The following RNF149 variants were observed in gnomAD, a reference collection of about 807,000 sequenced individuals.
RNF149 encodes the protein E3 ubiquitin-protein ligase RNF149.
Under a neutral mutation model 39.0 loss-of-function variants are expected in RNF149, and 21 were observed. That is an observed-to-expected ratio of 0.54 (90% CI 0.38 to 0.77). RNF149 has a LOEUF of 0.77. RNF149 is among the 30% of genes least tolerant of loss of function. The pLI, the probability that RNF149 is intolerant of heterozygous loss-of-function variation, is 0.00. For synonymous variants in RNF149, 209 were observed against 213.6 expected, an observed-to-expected ratio of 0.98 and a Z score of 0.19; for missense variants, 493 against 534.9, an observed-to-expected ratio of 0.92 and a Z score of 0.77.
downstream of RNF149, among the ~76,000 whole-genome samples, chr2:101,274,856 G>C (rs1031611152): frequency 6.6e-6 from 1 of 152,076 alleles, no homozygotes; most frequent in Non-Finnish European, 1.5e-5. Context: ...GCACGATCTC[G>C]GCTCACCGCA....
At chr2:101,301,549 G>A (rs1470877822) in intron 1 of RNF149, among the ~76,000 whole-genome samples, 2 of 151,874 alleles carry the variant, frequency 1.3e-5, no homozygotes, top group South Asian at 2.1e-4. Context: ...CAAGCAATCC[G>A]CCTGCCTCAT....
At position 101,276,835 on chromosome 2, in the gene RNF149, G is replaced by C. The variant is rs1682362468; in HGVS notation, c.*403C>G. On this transcript the variant is annotated 3_prime_UTR_variant, in exon 7 of 7. Coordinates refer to ENST00000295317, the MANE Select transcript of RNF149 (RefSeq NM_173647.4). ...AGCCCATGAGATCAATTATCGAATT[G>C]AATTATACAATTCCACTTCAACTAG... The C allele has an allele frequency of 1.0e-6, 1 of 997,870 alleles. No individual in the cohort carries two copies. Among genetic ancestry groups the C allele is most frequent in the Non-Finnish European group, 1.2e-6 (1 of 836,580 alleles). 61.8% of individuals were successfully genotyped at this position (997,870 alleles called of 1,614,324 possible). A position where few individuals can be genotyped will look rare whatever the true frequency, so the allele number is the denominator to read the frequency against.
At chr2:101,285,280 C>A (rs530321027) in intron 5 of RNF149, among the ~76,000 whole-genome samples, 1 of 152,092 alleles carries the variant, frequency 6.6e-6, no homozygotes, top group African/African-American at 2.4e-5. Context: ...AAAAATATAA[C>A]CTAAAAAAAT....
intron 1 of RNF149, among the ~76,000 whole-genome samples, chr2:101,305,994 T>C (rs1333560607): frequency 6.6e-6 from 1 of 152,148 alleles, no homozygotes; most frequent in East Asian, 1.9e-4. Context: ...ACAGAATTAT[T>C]CTCTCACTAA....
At chr2:101,288,386 C>T (rs923077325) in intron 4 of RNF149, among the ~76,000 whole-genome samples, 4 of 151,790 alleles carry the variant, frequency 2.6e-5, no homozygotes, top group African/African-American at 7.3e-5. Context: ...TACAGGTGTA[C>T]GCTACCACAC....
chr2:101,302,559 A>G (rs554340508), intron 1 of RNF149, among the ~76,000 whole-genome samples: 9 of 152,256 alleles, frequency 5.9e-5, no homozygotes, highest in African/African-American at 2.2e-4. Context: ...CAATGTTAAG[A>G]ACTCTTTTGC....
At chr2:101,272,586 T>C (rs113791042), downstream of RNF149, among the ~76,000 whole-genome samples, 2 of 152,230 alleles carry the variant, frequency 1.3e-5, no homozygotes, top group Non-Finnish European at 2.9e-5. Context: ...TAGTTTTGGT[T>C]TGAGTCAACA....
intron 3 of RNF149, among the ~76,000 whole-genome samples, chr2:101,290,690 T>C (rs1682974150): frequency 6.6e-6 from 1 of 152,204 alleles, no homozygotes; most frequent in Non-Finnish European, 1.5e-5. Flanking sequence ...ACCTCACTAG[T>C]GATTAAAAAG....
At chr2:101,274,629 G>A (rs1682261281), downstream of RNF149, among the ~76,000 whole-genome samples, 1 of 152,204 alleles carries the variant, frequency 6.6e-6, no homozygotes, top group Non-Finnish European at 1.5e-5. Context: ...GCCATCGACA[G>A]CAATGTGGAA....
downstream of RNF149, chr2:101,271,752 AAAG>A (rs1248843698): frequency 1.3e-5 from 2 of 152,336 alleles, no homozygotes; most frequent in South Asian, 2.1e-4. Context: ...CACCTGTTAA[AAAG>A]AAGACAGCAA....
At chr2:101,271,836 T>C (rs747126462), downstream of RNF149, 13 of 152,222 alleles carry the variant, frequency 8.5e-5, no homozygotes, top group Admixed American at 2.6e-4. Flanking sequence ...AATGTAACTA[T>C]TAGAAATAAT....
rs529145338 is a variant in RNF149, at chr2:101,283,093, G to A, written c.961-1036C>T. ...GACACAGCATTAGCCTCAACACTTT[G>A]GTGTGTCTGATGGATAATGCAACAC... is the stretch of plus-strand genomic sequence containing the variant. On this transcript the variant is annotated intron_variant, in intron 5 of 6. Transcript: ENST00000295317. Among the ~76,000 whole-genome samples, 9 of 152,216 alleles carry A rather than the reference G, an allele frequency of 5.9e-5. No individual in the cohort carries two copies. The East Asian group carries it at 1.7e-3, about 29-fold the overall frequency.
chr2:101,303,669 G>C (rs1683545857), intron 1 of RNF149, among the ~76,000 whole-genome samples: 1 of 151,834 alleles, frequency 6.6e-6, no homozygotes, highest in African/African-American at 2.4e-5. Flanking sequence ...CTCCCCTGGA[G>C]AGTTCAGGGA....
chr2:101,286,786 G>A (rs976907160), intron 4 of RNF149, among the ~76,000 whole-genome samples: 1 of 152,188 alleles, frequency 6.6e-6, no homozygotes, highest in Non-Finnish European at 1.5e-5. Context: ...TGAAGAAAAG[G>A]AGTTACCAGT....
chr2:101,308,357 C>T lies in RNF149; in HGVS notation c.232G>A (p.Gly78Ser). The change falls in exon 1 of 7, where the codon GGC becomes AGC. Residue 78 changes from glycine (G) to serine (S), a missense_variant. Physicochemically the swap from Gly to Ser is moderately conservative, Grantham distance 56 (BLOSUM62 0). Coordinates refer to ENST00000295317, the MANE Select transcript of RNF149 (RefSeq NM_173647.4). ...SPKEGAHGLVGVPWAPGGDLE... is the reference protein window; with the variant it reads ...SPKEGAHGLVSVPWAPGGDLE... ...TCTCCGCCGGGCGCCCACGGGACGC[C>T]CACCAGGCCATGCGCGCCCTCCTTG... 1.2e-6 allele frequency: 2 copies of T among 1,603,852 alleles called. No homozygotes were observed. The highest frequency in any genetic ancestry group is 1.7e-6 in the Non-Finnish European group (2 of 1,177,146).
intron 6 of RNF149, among the ~76,000 whole-genome samples, chr2:101,278,567 TG>T (rs2104385546): frequency 6.6e-6 from 1 of 152,320 alleles, no homozygotes; most frequent in East Asian, 1.9e-4. Context: ...TGACAAAAAC[TG>T]TATATATATA....
intron 1 of RNF149, among the ~76,000 whole-genome samples, chr2:101,306,243 G>GA (rs918452592): frequency 6.6e-6 from 1 of 152,074 alleles, no homozygotes; most frequent in Non-Finnish European, 1.5e-5. Context: ...CCTGCTATTT[G>GA]AAAAAAAGTC....
At chr2:101,275,123 T>TTG (rs1553437522), downstream of RNF149, among the ~76,000 whole-genome samples, 1 of 127,942 alleles carries the variant, frequency 7.8e-6, no homozygotes, top group Non-Finnish European at 1.7e-5. Flanking sequence ...TTTTTTTTTT[T>TTG]TTTTTTTTTT....
At chr2:101,298,770 G>C (rs1213457996) in intron 1 of RNF149, among the ~76,000 whole-genome samples, 2 of 152,320 alleles carry the variant, frequency 1.3e-5, no homozygotes, top group South Asian at 4.1e-4. Context: ...GACTGTTTCT[G>C]GGGAGAGGCG....
Sources: gnomAD v4.1 joint callset for allele counts (sites outside exome capture counted in the v4.1 genomes callset) on GRCh38, gnomAD v4.1.1 for gene constraint, MANE v1.5 for transcripts, NCBI Gene and HGNC (gene_info 2026-07-23, HGNC 2026-07-21) for gene names.